Variants in ATMIN observed in about 807,000 individuals in gnomAD.
ATMIN encodes the protein ATM interactor, also known as ATM INteracting protein.
Under a neutral mutation model 49.2 loss-of-function variants are expected in ATMIN, and 24 were observed. The ratio of observed to expected loss-of-function variants is 0.49; its 90% CI spans 0.35 to 0.69. The LOEUF is 0.69. Ranked by LOEUF, ATMIN falls within the 30% of genes least tolerant of loss-of-function variation. The probability of loss-of-function intolerance (pLI) is 0.00; values close to 1 mark genes in which losing one functional copy is unlikely to be tolerated. For synonymous variants in ATMIN, 450 were observed against 392.5 expected (o/e 1.15, Z -1.73); for missense variants, 1,037 against 1,005.5 (o/e 1.03, Z -0.42).
intron 1 of ATMIN, chr16:81,037,100 T>G (rs1339370516): frequency 1.2e-6 from 1 of 862,780 alleles, no homozygotes; most frequent in Admixed American, 6.2e-5. Flanking sequence ...ACAAGCTTAT[T>G]AAAAATCCAG....
chr16:81,035,900 G>C lies in ATMIN; in HGVS notation c.30G>C (p.Ala10=). 1 of 982,272 alleles carries C rather than the reference G, an allele frequency of 1.0e-6. No homozygotes were observed. The highest frequency in any genetic ancestry group is 1.2e-6 in the Non-Finnish European group (1 of 828,704). The allele number at this position is 982,272 out of a possible 1,614,324, so 60.8% of individuals were successfully genotyped here. A position where few individuals can be genotyped will look rare whatever the true frequency, so the allele number is the denominator to read the frequency against. ...CGGCCTCGGAGGCGGCGGCGGCGGC[G>C]GGGTCCGCGGCTCTGGCGGCGGGTG... The part of the protein sequence containing the change: MAASEAAAA[A]GSAALAAGAR... Residue 10 remains alanine (A), a synonymous_variant, in exon 1 of 4, where the codon GCG becomes GCC. Transcript: ENST00000299575.
chr16:81,042,301 T>C lies in ATMIN; in HGVS notation c.483T>C (p.Ala161=). 1 of 1,613,530 alleles carries C rather than the reference T, an allele frequency of 6.2e-7. No individual in the cohort carries two copies. Among genetic ancestry groups the C allele is most frequent in the South Asian group, 1.1e-5 (1 of 91,058 alleles). ...CCTAGCACTTTATGAAAATGCATGC[T>C]GAGAAGAAGCACAAATGTAGTAAGT... is the stretch of plus-strand genomic sequence containing the variant. The part of the protein sequence containing the change: ...LVKQHFMKMH[A]EKKHKCSKCS... The change falls in exon 3 of 4, where the codon GCT becomes GCC. Residue 161 remains alanine, a synonymous_variant. Transcript: ENST00000299575.
chr16:81,036,304 C>T (rs1418148425), intron 1 of ATMIN, 98 bp downstream of exon 1: 4 of 1,053,144 alleles, frequency 3.8e-6, no homozygotes, highest in Non-Finnish European at 4.6e-6. Flanking sequence ...GACGAGCGCC[C>T]TGCGCGCTGC....
At position 81,044,643 on chromosome 16, in the gene ATMIN, C is replaced by T; in HGVS notation, c.2145C>T (p.Ser715=). 1 of 1,614,188 alleles carries T rather than the reference C, an allele frequency of 6.2e-7. No homozygotes were observed. The highest frequency in any genetic ancestry group is 8.5e-7 in the Non-Finnish European group (1 of 1,180,032). Reference sequence around the variant, plus strand: ...ACTTAAACTTTTTCTTAGACAGTAGCCCTCATCTGCCTCTGGGAAGTATTC... The same window carrying T: ...ACTTAAACTTTTTCTTAGACAGTAGTCCTCATCTGCCTCTGGGAAGTATTC... ...QTDLNFFLDS[S]PHLPLGSILK... The change falls in exon 4 of 4, where the codon AGC becomes AGT. Residue 715 remains serine (S), a synonymous_variant. Coordinates refer to ENST00000299575, the MANE Select transcript of ATMIN (RefSeq NM_015251.3).
intron 2 of ATMIN, 48 bp downstream of exon 2, chr16:81,041,529 G>A (rs780376878): frequency 5.7e-6 from 9 of 1,570,302 alleles, no homozygotes; most frequent in Non-Finnish European, 7.7e-6. Context: ...AACCTATTGT[G>A]CATTCTGATT....
chr16:81,040,542 C>G (rs1365324020), intron 1 of ATMIN: 1 of 152,216 alleles, frequency 6.6e-6, no homozygotes, highest in East Asian at 1.9e-4. Flanking sequence ...AACATTTATT[C>G]TGTTCAAAAC....
At chr16:81,036,636 G>A (rs1970940548) in intron 1 of ATMIN, among the ~76,000 whole-genome samples, 1 of 152,200 alleles carries the variant, frequency 6.6e-6, no homozygotes, top group South Asian at 2.1e-4. Context: ...TGGTTCTAAA[G>A]CCCTGTGCTT....
At chr16:81,037,362 A>G in intron 1 of ATMIN, 2 of 985,484 alleles carry the variant, frequency 2.0e-6, no homozygotes, top group South Asian at 4.7e-5. Flanking sequence ...TGTAGTCTCT[A>G]GTAGGACAGA....
At chr16:81,038,318 G>A (rs947731196) in intron 1 of ATMIN, among the ~76,000 whole-genome samples, 3 of 151,618 alleles carry the variant, frequency 2.0e-5, no homozygotes, top group Non-Finnish European at 4.4e-5. Context: ...TTTAGTAGAG[G>A]TGGGGTTTCA....
chr16:81,044,571 T>C lies in ATMIN; in HGVS notation c.2073T>C (p.Asn691=). ...TSAQSYGCRG[N]SNFLGLEMFD... Reference sequence around the variant, plus strand: ...CTCAGTCCTATGGGTGTAGGGGAAATTCTAACTTCTTAGGCCTTGAGATGT... The same window carrying C: ...CTCAGTCCTATGGGTGTAGGGGAAACTCTAACTTCTTAGGCCTTGAGATGT... The change falls in exon 4 of 4, where the codon AAT becomes AAC. Residue 691 remains asparagine (N), a synonymous_variant. Coordinates refer to ENST00000299575, the MANE Select transcript of ATMIN (RefSeq NM_015251.3). 1.2e-6 allele frequency: 2 copies of C among 1,613,764 alleles called. No individual in the cohort carries two copies. The highest frequency in any genetic ancestry group is 2.2e-5 in the South Asian group (2 of 91,058).
At position 81,044,379 on chromosome 16, in the gene ATMIN, C is replaced by A; in HGVS notation, c.1881C>A (p.Gly627=). 6.2e-7 allele frequency: 1 copy of A among 1,614,104 alleles called. No homozygotes were observed. The highest frequency in any genetic ancestry group is 2.2e-5 in the East Asian group (1 of 44,868). The change falls in exon 4 of 4, where the codon GGC becomes GGA. Residue 627 remains glycine, a synonymous_variant. Coordinates refer to ENST00000299575, the MANE Select transcript of ATMIN (RefSeq NM_015251.3). ...NPGPDTQLPS[G]PAQNPGIDFD... ...GACCTGACACCCAGCTCCCATCTGG[C>A]CCAGCCCAGAACCCCGGAATCGATT...
In ATMIN at chr16:81,039,727, C is replaced by T. The variant is rs375266274; in HGVS notation, c.337-1629C>T. Among the ~76,000 whole-genome samples, 11 of 152,246 alleles carry T rather than the reference C, an allele frequency of 7.2e-5. No individual in the cohort carries two copies. The East Asian group carries it at 1.7e-3, about 24-fold the overall frequency. ...AAGCAGTGGAGGGGACAGGCAGGCA[C>T]TTAAAGAACCTCTTATCAAGCAACA... On this transcript the variant is annotated intron_variant, in intron 1 of 3. Transcript: ENST00000299575.
Position 81,044,758 on chromosome 16 carries a change from C to G in ATMIN, c.2260C>G (p.Leu754Val). The G allele has an allele frequency of 6.2e-7, 1 of 1,614,184 alleles. No individual in the cohort carries two copies. Among genetic ancestry groups the G allele is most frequent in the Non-Finnish European group, 8.5e-7 (1 of 1,180,034 alleles). The change falls in exon 4 of 4, where the codon CTA becomes GTA. Residue 754 changes from leucine (L) to valine (V), a missense_variant. Transcript: ENST00000299575. Reference protein sequence around the residue: ...GVSTAKNIPALESKVQLNSTE... With the variant: ...GVSTAKNIPAVESKVQLNSTE... Reference sequence around the variant, plus strand: ...CTCCACTGCTAAAAATATACCTGCTCTAGAAAGCAAAGTTCAGTTGAACAG... The same window carrying G: ...CTCCACTGCTAAAAATATACCTGCTGTAGAAAGCAAAGTTCAGTTGAACAG...
In ATMIN at chr16:81,036,062, G is replaced by A. The variant is rs757703269; in HGVS notation, c.192G>A (p.Pro64=). Residue 64 remains proline (P), a synonymous_variant, in exon 1 of 4, where the codon CCG becomes CCA. Coordinates refer to ENST00000299575, the MANE Select transcript of ATMIN (RefSeq NM_015251.3). ...ATQQPAVPAP[P]AGELIQPSVS... ...AGCAGCCCGCTGTCCCCGCGCCGCC[G>A]GCGGGGGAGCTGATCCAGCCGTCGG... 5.4e-6 allele frequency: 7 copies of A among 1,285,510 alleles called. No individual in the cohort carries two copies. The highest frequency in any genetic ancestry group is 7.0e-6 in the Non-Finnish European group (7 of 1,006,580). 79.6% of individuals were successfully genotyped at this position (1,285,510 alleles called of 1,614,324 possible). A position where few individuals can be genotyped will look rare whatever the true frequency, so the allele number is the denominator to read the frequency against.
In ATMIN at chr16:81,036,012, C is replaced by T. The variant is rs1970920934; in HGVS notation, c.142C>T (p.Arg48Trp). The change falls in exon 1 of 4, where the codon CGG becomes TGG. Residue 48 changes from arginine to tryptophan, a missense_variant. Physicochemically the swap from Arg to Trp is moderately radical, Grantham distance 101. Coordinates refer to ENST00000299575, the MANE Select transcript of ATMIN (RefSeq NM_015251.3). Reference sequence around the variant, plus strand: ...CCCGGGACCCCGACTGAGGGGCAGCCGGCCGCGGCCCGCGGGGGCGACGCA... The same window carrying T: ...CCCGGGACCCCGACTGAGGGGCAGCTGGCCGCGGCCCGCGGGGGCGACGCA... ...VPPGPRLRGS[R>W]PRPAGATQQP... The T allele has an allele frequency of 2.6e-6, 3 of 1,147,000 alleles. No homozygotes were observed. The East Asian group carries it at 1.2e-4, about 47-fold the overall frequency. The allele number at this position is 1,147,000 out of a possible 1,614,324, so 71.1% of individuals were successfully genotyped here. A position where few individuals can be genotyped will look rare whatever the true frequency, so the allele number is the denominator to read the frequency against.
intron 2 of ATMIN, among the ~76,000 whole-genome samples, chr16:81,042,013 C>A (rs1002439364): frequency 3.3e-5 from 5 of 152,162 alleles, no homozygotes; most frequent in African/African-American, 1.2e-4. Flanking sequence ...CTGCCTGCAG[C>A]ACTTACAGAT....
chr16:81,040,299 G>T (rs1971016426), intron 1 of ATMIN, among the ~76,000 whole-genome samples: 2 of 152,086 alleles, frequency 1.3e-5, no homozygotes, highest in African/African-American at 2.4e-5. Flanking sequence ...GACAGAAATG[G>T]GAAGAAGGCC....
Position 81,042,446 on chromosome 16 carries a change from T to A in ATMIN, c.628T>A (p.Tyr210Asn), listed in dbSNP as rs1488086579. ...TAGAACAGCACTGCAGTCTCACATC[T>A]ACCGAACTGGGCACGAGATACCTGC... is the stretch of plus-strand genomic sequence containing the variant. ...ASRTALQSHIYRTGHEIPAEH... is the reference protein window; with the variant it reads ...ASRTALQSHINRTGHEIPAEH... The change falls in exon 3 of 4, where the codon TAC (tyrosine) becomes AAC (asparagine). Residue 210 changes from tyrosine (Y) to asparagine (N), a missense_variant. Transcript: ENST00000299575. 6.2e-7 allele frequency: 1 copy of A among 1,614,138 alleles called. No individual in the cohort carries two copies. The highest frequency in any genetic ancestry group is 1.3e-5 in the African/African-American group (1 of 75,012).
Position 81,045,178 on chromosome 16 carries a change from T to G in ATMIN, c.*208T>G, listed in dbSNP as rs999708102. 1 of 641,586 alleles carries G rather than the reference T, an allele frequency of 1.6e-6. No individual in the cohort carries two copies. Among genetic ancestry groups the G allele is most frequent in the Non-Finnish European group, 2.5e-6 (1 of 405,958 alleles). 39.7% of individuals were successfully genotyped at this position (641,586 alleles called of 1,614,324 possible). A position where few individuals can be genotyped will look rare whatever the true frequency, so the allele number is the denominator to read the frequency against. ...ATAAAGTTTGAGATGTTGATCTAAA[T>G]TGTTTTTGTGTTGCCTACATTTGCC... On this transcript the variant is annotated 3_prime_UTR_variant, in exon 4 of 4. Coordinates refer to ENST00000299575, the MANE Select transcript of ATMIN (RefSeq NM_015251.3).
Sources: allele counts gnomAD v4.1 joint callset (sites outside exome capture counted in the v4.1 genomes callset), GRCh38; gene constraint gnomAD v4.1.1; transcripts MANE v1.5; gene names NCBI Gene and HGNC (gene_info 2026-07-23, HGNC 2026-07-21).